NF1: variants seen among roughly 807,000 people sequenced by gnomAD.
NF1 encodes the protein neurofibromin 1.
A neutral mutation model predicts 325.7 loss-of-function variants in NF1; 122 were observed. The observed-to-expected ratio is 0.37, with a 90% confidence interval of 0.32 to 0.44. The LOEUF (loss-of-function observed/expected upper bound fraction) is 0.44. NF1 is among the 20% of genes least tolerant of loss of function. The pLI is 1.00. For synonymous variants in NF1, 1,091 were observed against 1,186.0 expected (o/e 0.92, Z 1.65); for missense variants, 2,140 against 3,415.4 (o/e 0.63, Z 9.31).
intron 8 of NF1, among the ~76,000 whole-genome samples, chr17:31,196,786 G>GA (rs1290642311): frequency 6.6e-6 from 1 of 152,050 alleles, no homozygotes; most frequent in Non-Finnish European, 1.5e-5. Context: ...ATCATTTGTT[G>GA]AAAAGACCAT....
At chr17:31,120,405 TTGTC>T (rs1165187729) in intron 1 of NF1, among the ~76,000 whole-genome samples, 4 of 152,158 alleles carry the variant, frequency 2.6e-5, no homozygotes, top group South Asian at 2.1e-4. Flanking sequence ...ATTTGGCTGT[TTGTC>T]TGTTATTGGT....
intron 36 of NF1, among the ~76,000 whole-genome samples, chr17:31,322,099 A>AGTGTGTG (rs1567895246): frequency 1.9e-4 from 9 of 48,350 alleles, no homozygotes; most frequent in African/African-American, 3.2e-4. Context: ...GTGTATACAC[A>AGTGTGTG]CACACACACA....
chr17:31,212,372 T>A (rs1016110911), intron 12 of NF1, among the ~76,000 whole-genome samples: 3 of 152,240 alleles, frequency 2.0e-5, no homozygotes, highest in Admixed American at 6.5e-5. Flanking sequence ...CTGTGTTTCA[T>A]AGTTAACTTT....
At chr17:31,268,869 A>T (rs540431709) in intron 36 of NF1, among the ~76,000 whole-genome samples, 1 of 151,102 alleles carries the variant, frequency 6.6e-6, no homozygotes, top group South Asian at 2.1e-4. Flanking sequence ...TGGCTAATTT[A>T]TTATTATTAT....
chr17:31,360,581 A>G lies in NF1; in HGVS notation c.8255A>G (p.Glu2752Gly). The change falls in exon 57 of 58, where the codon GAA (glutamate) becomes GGA (glycine). Residue 2752 changes from glutamate (E) to glycine (G), a missense_variant. By Grantham distance (98) the Glu-to-Gly change is moderately conservative. Around this residue, in one of 10 missense-constraint regions of NF1, gnomAD observed 522 missense variants for 749.0 expected, o/e 0.70. Coordinates refer to ENST00000358273, the MANE Select transcript of NF1 (RefSeq NM_001042492.3). ...CCTGGAATTGATGAAGAAACCAGTGAAGAATCCCTCCTGACTCCCACATCT... is the reference window on the plus strand; with the variant it reads ...CCTGGAATTGATGAAGAAACCAGTGGAGAATCCCTCCTGACTCCCACATCT... ...YLPGIDEETSEESLLTPTSPY... is the reference protein window; with the variant it reads ...YLPGIDEETSGESLLTPTSPY... The G allele has an allele frequency of 6.2e-7, 1 of 1,614,104 alleles. No individual in the cohort carries two copies. The highest frequency in any genetic ancestry group is 1.3e-5 in the African/African-American group (1 of 75,022).
intron 8 of NF1, among the ~76,000 whole-genome samples, chr17:31,186,444 C>T (rs969698771): frequency 2.0e-5 from 3 of 152,258 alleles, no homozygotes; most frequent in East Asian, 1.9e-4. Flanking sequence ...GAGCAGTGCA[C>T]GTGGTTGTGT....
At position 31,336,330 on chromosome 17, in the gene NF1, T is replaced by C. The variant is rs763563641; in HGVS notation, c.6007-3T>C. 6.2e-7 allele frequency: 1 copy of C among 1,613,854 alleles called. No individual in the cohort carries two copies. The highest frequency in any genetic ancestry group is 1.7e-5 in the Admixed American group (1 of 60,024). On this transcript the variant is annotated splice_polypyrimidine_tract_variant and splice_region_variant and intron_variant, in intron 40 of 57. Coordinates refer to ENST00000358273, the MANE Select transcript of NF1 (RefSeq NM_001042492.3). The surrounding 1 kb of genome is among the most constrained non-coding windows in gnomAD (Gnocchi z 5.5). ...AAACATGTTATTTTCCTTCTTCAAC[T>C]AGATTACAGATCTGCTTGATGTTGT...
At chr17:31,187,904 G>A (rs1171122364) in intron 8 of NF1, among the ~76,000 whole-genome samples, 1 of 152,160 alleles carries the variant, frequency 6.6e-6, no homozygotes, top group Non-Finnish European at 1.5e-5. Context: ...AAGTCAACAG[G>A]CTAAGAAGGG....
At chr17:31,130,087 T>G (rs1237408182) in intron 1 of NF1, among the ~76,000 whole-genome samples, 1 of 150,712 alleles carries the variant, frequency 6.6e-6, no homozygotes, top group Non-Finnish European at 1.5e-5. Context: ...TTTTTTTGTT[T>G]TTTTTTTTTT....
Position 31,374,685 on chromosome 17 carries a change from A to G in NF1, c.*530A>G, listed in dbSNP as rs1253034931. 1 of 243,462 alleles carries G rather than the reference A, an allele frequency of 4.1e-6. No individual in the cohort carries two copies. Among genetic ancestry groups the G allele is most frequent in the African/African-American group, 2.2e-5 (1 of 45,282 alleles). The allele number at this position is 243,462 out of a possible 1,614,324, so 15.1% of individuals were successfully genotyped here. ...TTAACCGTACAAAACTGAAAGAACCATAGAGGTCAAGCCTCAGTGACTTGA... is the reference window on the plus strand; with the variant it reads ...TTAACCGTACAAAACTGAAAGAACCGTAGAGGTCAAGCCTCAGTGACTTGA... On this transcript the variant is annotated 3_prime_UTR_variant, in exon 58 of 58. Transcript: ENST00000358273.
chr17:31,316,452 CT>C (rs1225460642), intron 36 of NF1, among the ~76,000 whole-genome samples: 1 of 152,084 alleles, frequency 6.6e-6, no homozygotes, highest in African/African-American at 2.4e-5. Flanking sequence ...GTGGTAGAAG[CT>C]CTCTGGTGAG....
chr17:31,148,565 A>C (rs184452653), intron 1 of NF1, among the ~76,000 whole-genome samples: 52 of 152,240 alleles, frequency 3.4e-4, no homozygotes, highest in Admixed American at 2.7e-3. Context: ...TTTTCATTGG[A>C]CAGAAATAGA....
Position 31,305,431 on chromosome 17 carries a change from G to A in NF1, c.4836-20389G>A, listed in dbSNP as rs773434316. 2.5e-6 allele frequency: 4 copies of A among 1,614,206 alleles called. No homozygotes were observed. The East Asian group carries it at 8.9e-5, about 36-fold the overall frequency. On this transcript the variant is annotated intron_variant, in intron 36 of 57. Transcript: ENST00000358273. ...TCCAGAAAAAGTGTCGCTGAATTGT[G>A]TTGGTTGACCCAAAGGATTCCCTGT...
intron 32 of NF1, 50 bp downstream of exon 32, chr17:31,258,552 T>C (rs1212268979): frequency 1.9e-6 from 3 of 1,584,088 alleles, no homozygotes; most frequent in Non-Finnish European, 2.6e-6. Context: ...TCCAACTAAA[T>C]TTTCAGCTTT....
chr17:31,170,848 G>GT (rs1160257616), intron 5 of NF1, among the ~76,000 whole-genome samples: 1 of 152,046 alleles, frequency 6.6e-6, no homozygotes, highest in Admixed American at 6.6e-5. Flanking sequence ...ACAAAAAAAT[G>GT]TTTTTTAGTT....
intron 1 of NF1, chr17:31,128,464 C>T (rs1915072583): frequency 6.6e-6 from 1 of 152,062 alleles, no homozygotes; most frequent in Admixed American, 6.5e-5. Flanking sequence ...TGATAATGTT[C>T]TTTCCTTTCC....
At chr17:31,108,441 A>T (rs899798614) in intron 1 of NF1, among the ~76,000 whole-genome samples, 4 of 151,426 alleles carry the variant, frequency 2.6e-5, no homozygotes, top group Admixed American at 6.6e-5. Context: ...GCCTGGCTAA[A>T]TTTTTTGTAT....
At chr17:31,171,611 A>G (rs1165707738) in intron 5 of NF1, among the ~76,000 whole-genome samples, 1 of 152,208 alleles carries the variant, frequency 6.6e-6, no homozygotes, top group Non-Finnish European at 1.5e-5. Context: ...ATACTGAAGT[A>G]ACTTTCCCAT....
At chr17:31,270,336 A>G (rs367732255) in intron 36 of NF1, among the ~76,000 whole-genome samples, 169 of 152,294 alleles carry the variant, frequency 1.1e-3, no homozygotes, top group African/African-American at 3.8e-3. Flanking sequence ...TGGCCGGGCA[A>G]GGTGGCTCAC....
Sources: gnomAD v4.1 joint callset for allele counts (sites outside exome capture counted in the v4.1 genomes callset) on GRCh38, gnomAD v4.1.1 for gene constraint, gnomAD v4.1.1 regional missense constraint, Gnocchi (gnomAD v3.1) non-coding constraint, MANE v1.5 for transcripts, NCBI Gene and HGNC (gene_info 2026-07-23, HGNC 2026-07-21) for gene names.